The following RBPJ variants were observed in gnomAD, a reference collection of about 807,000 sequenced individuals.
RBPJ encodes the protein recombination signal binding protein for immunoglobulin kappa J region, also known as recombining binding protein suppressor of hairless.
Under a neutral mutation model 67.8 loss-of-function variants are expected in RBPJ, and 9 were observed. The ratio of observed to expected loss-of-function variants is 0.13; its 90% confidence interval spans 0.08 to 0.23. The LOEUF is 0.23. RBPJ is among the 10% of genes least tolerant of loss of function. The probability of loss-of-function intolerance (pLI) is 1.00; values close to 1 mark genes in which losing one functional copy is unlikely to be tolerated. For synonymous variants in RBPJ, 198 were observed against 203.3 expected, an observed-to-expected ratio of 0.97 and a Z score of 0.22; for missense variants, 305 against 595.6, an observed-to-expected ratio of 0.51 and a Z score of 5.08.
intron 1 of RBPJ, among the ~76,000 whole-genome samples, chr4:26,197,817 G>A (rs749673649): frequency 4.6e-5 from 7 of 152,140 alleles, no homozygotes; most frequent in Admixed American, 4.6e-4. Context: ...GAGAGGAGAG[G>A]AGGGGAAGGG....
intron 3 of RBPJ, among the ~76,000 whole-genome samples, chr4:26,408,508 T>C (rs1358127053): frequency 6.6e-6 from 1 of 152,142 alleles, no homozygotes; most frequent in African/African-American, 2.4e-5. Context: ...CAGAAAAAGT[T>C]AACACCCATC....
At position 26,241,796 on chromosome 4, in the gene RBPJ, G is replaced by A. The variant is rs1386525125; in HGVS notation, c.-167+78182G>A. ...CAAAGTGCTGGGATTACAGGTGTGA[G>A]CCGCTAAGCCTGGCCCTAACCTTCT... On this transcript the variant is annotated intron_variant, in intron 1 of 4. Transcript: ENST00000512351. Among the ~76,000 whole-genome samples, 4 of 152,166 alleles carry A rather than the reference G, an allele frequency of 2.6e-5. No homozygotes were observed. The East Asian group carries it at 5.8e-4, about 22-fold the overall frequency.
the RBPJ span, among the ~76,000 whole-genome samples, chr4:26,108,698 T>C: frequency 6.6e-6 from 1 of 152,212 alleles, no homozygotes; most frequent in African/African-American, 2.4e-5. Context: ...AAAAACCAGC[T>C]ATGTTCTGGT....
intron 1 of RBPJ, among the ~76,000 whole-genome samples, chr4:26,335,009 T>A (rs1049640879): frequency 5.9e-5 from 9 of 152,208 alleles, no homozygotes; most frequent in African/African-American, 2.2e-4. Flanking sequence ...CTCATTAAAC[T>A]TGCCTTTTCC....
the RBPJ span, among the ~76,000 whole-genome samples, chr4:26,136,609 G>C: frequency 9.2e-5 from 14 of 152,204 alleles, no homozygotes; most frequent in African/African-American, 3.1e-4. Flanking sequence ...CCTGGCAGTG[G>C]TCAGGCCTGA....
intron 1 of RBPJ, among the ~76,000 whole-genome samples, chr4:26,197,119 T>C (rs928126359): frequency 6.6e-6 from 1 of 152,224 alleles, no homozygotes; most frequent in Admixed American, 6.5e-5. Flanking sequence ...GGTTTAATTA[T>C]AATGTTCATT....
chr4:26,131,776 C>T, the RBPJ span, among the ~76,000 whole-genome samples: 14 of 152,182 alleles, frequency 9.2e-5, no homozygotes, highest in African/African-American at 3.1e-4. Flanking sequence ...TTCAGACTTG[C>T]GGCTTCCCAA....
the RBPJ span, among the ~76,000 whole-genome samples, chr4:26,131,497 G>A: frequency 8.5e-5 from 13 of 152,134 alleles, no homozygotes; most frequent in East Asian, 3.8e-4. Flanking sequence ...GGGAAGGTCC[G>A]TGGAAGCCCA....
At chr4:26,297,029 T>C (rs1266881377) in intron 1 of RBPJ, among the ~76,000 whole-genome samples, 1 of 152,176 alleles carries the variant, frequency 6.6e-6, no homozygotes, top group African/African-American at 2.4e-5. Flanking sequence ...GCACGGTAGT[T>C]CATGTCTGTA....
chr4:26,313,142 T>C (rs1371686643), intron 1 of RBPJ, among the ~76,000 whole-genome samples: 1 of 152,154 alleles, frequency 6.6e-6, no homozygotes, highest in Non-Finnish European at 1.5e-5. Context: ...AGGCTGGTCT[T>C]GAACTCCTGG....
At chr4:26,106,901 G>T in the RBPJ span, among the ~76,000 whole-genome samples, 1 of 152,174 alleles carries the variant, frequency 6.6e-6, no homozygotes, top group Admixed American at 6.5e-5. Context: ...GAAACAGAAG[G>T]GGGGTTTCCA....
Position 26,237,851 on chromosome 4 carries a change from A to G in RBPJ, c.-167+74237A>G, listed in dbSNP as rs1206656317. 5.3e-5 allele frequency among the ~76,000 whole-genome samples: 8 copies of G among 151,736 alleles called. No homozygotes were observed. In the South Asian group the frequency reaches 8.3e-4, roughly 16 times the overall value. On this transcript the variant is annotated intron_variant, in intron 1 of 4. Transcript: ENST00000512351. ...CACTTTGAGTTCCAATCCTAGCTCT[A>G]TCATGAAGGAGCTATTTGAGTTTGT...
chr4:26,328,909 C>G (rs1484392806), intron 1 of RBPJ, among the ~76,000 whole-genome samples: 1 of 152,196 alleles, frequency 6.6e-6, no homozygotes. Context: ...CTTGGTCTCC[C>G]AATGTGGTGT....
Position 26,428,667 on chromosome 4 carries a change from G to GA in RBPJ, c.748-49dup. On this transcript the variant is annotated intron_variant, in intron 7 of 10. Coordinates refer to ENST00000355476, the MANE Select transcript of RBPJ (RefSeq NM_015874.6). The stretch of plus-strand genomic sequence containing the variant: ...ATGTACTTTTGATGTTTTACACAAG[G>GA]AAAATCCTTTCCATGTGTGGATGAC... 2.8e-6 allele frequency: 4 copies of GA among 1,448,932 alleles called. No homozygotes were observed. In the South Asian group the frequency reaches 4.7e-5, roughly 17 times the overall value. 89.8% of individuals were successfully genotyped at this position (1,448,932 alleles called of 1,614,324 possible).
At chr4:26,320,762 CCA>C, upstream of RBPJ, 1 of 1,554,318 alleles carries the variant, frequency 6.4e-7, no homozygotes, top group South Asian at 1.2e-5. Flanking sequence ...TCCCCATGGA[CCA>C]CACGGAGGGC....
Position 26,202,114 on chromosome 4 carries a change from T to G in RBPJ, c.-167+38500T>G, listed in dbSNP as rs531735165. On this transcript the variant is annotated intron_variant, in intron 1 of 4. Coordinates refer to the RBPJ transcript ENST00000512351. ...TCCTTGTCTTCTCTCATTTTAAAGT[T>G]GGCATATCCCAGGCCTCCACTTTTA... Among the ~76,000 whole-genome samples the G allele has an allele frequency of 5.8e-4, 89 of 152,324 alleles. 1 individual carries two copies. The highest frequency in any genetic ancestry group is 2.0e-3 in the African/African-American group (85 of 41,584).
chr4:26,359,942 TTG>T (rs751574219), intron 1 of RBPJ, among the ~76,000 whole-genome samples: 2 of 152,208 alleles, frequency 1.3e-5, no homozygotes, highest in African/African-American at 2.4e-5. Flanking sequence ...TTCATAAATA[TTG>T]TGTGTTGTAA....
chr4:26,223,991 A>T (rs1718999825), intron 1 of RBPJ, among the ~76,000 whole-genome samples: 1 of 152,232 alleles, frequency 6.6e-6, no homozygotes, highest in Non-Finnish European at 1.5e-5. Flanking sequence ...CACCTAATTG[A>T]GTTGTTGTGA....
At chr4:26,223,189 AT>A in intron 1 of RBPJ, among the ~76,000 whole-genome samples, 1 of 151,982 alleles carries the variant, frequency 6.6e-6, no homozygotes. Context: ...ACTTTAATTA[AT>A]GTTTGATGGT....
Sources: gnomAD v4.1 joint callset for allele counts (sites outside exome capture counted in the v4.1 genomes callset) on GRCh38, gnomAD v4.1.1 for gene constraint, MANE v1.5 for transcripts, NCBI Gene and HGNC (gene_info 2026-07-23, HGNC 2026-07-21) for gene names.